Variants in ADRB3 observed in about 807,000 individuals in gnomAD.
ADRB3 encodes adrenoceptor beta 3.
In ADRB3, 33 loss-of-function variants were observed where a neutral mutation model predicts 23.8. The observed-to-expected ratio is 1.38, with a 90% CI of 1.05 to 1.85. The LOEUF (loss-of-function observed/expected upper bound fraction) is 1.85, where lower values mean the gene tolerates loss of function less well. ADRB3 is among the 40% of genes most tolerant of loss of function. The pLI is 0.00. For synonymous variants in ADRB3, 289 were observed against 273.0 expected, an observed-to-expected ratio of 1.06 and a Z score of -0.58; for missense variants, 600 against 579.6, an observed-to-expected ratio of 1.04 and a Z score of -0.36.
Position 37,965,795 on chromosome 8 carries a change from C to T in ADRB3, c.675G>A (p.Ala225=). Residue 225 remains alanine, a synonymous_variant, in exon 1 of 2, where the codon GCG becomes GCA. Transcript: ENST00000345060. ...LPLLVMLFVY[A]RVFVVATRQL... is the part of the protein sequence containing the mutation. Reference sequence around the variant, plus strand: ...GGCGCGTAGCCACCACGAAAACCCGCGCGTAGACGAAGAGCATCACGAGAA... The same window carrying T: ...GGCGCGTAGCCACCACGAAAACCCGTGCGTAGACGAAGAGCATCACGAGAA... The T allele has an allele frequency of 6.4e-7, 1 of 1,551,928 alleles. No individual in the cohort carries two copies. Among genetic ancestry groups the T allele is most frequent in the Non-Finnish European group, 8.7e-7 (1 of 1,147,064 alleles).
In ADRB3 at chr8:37,964,216, G is replaced by A. The variant is rs948377287; in HGVS notation, c.*2C>T. On this transcript the variant is annotated 3_prime_UTR_variant, in exon 2 of 2. Coordinates refer to ENST00000345060, the MANE Select transcript of ADRB3 (RefSeq NM_000025.3). ...AGAGTTGTTGCTTCTTGTCCTTCAG[G>A]CCTAAGAAACTCCCCAAGAAGCCCT... 1 of 1,613,466 alleles carries A rather than the reference G, an allele frequency of 6.2e-7. No individual in the cohort carries two copies.
rs769733135 is a variant in ADRB3, at chr8:37,965,760, AAGCGC to A, written c.705_709del (p.Arg236AlafsTer183). On this transcript the variant is annotated frameshift_variant, in exon 1 of 2. Coordinates refer to ENST00000345060, the MANE Select transcript of ADRB3 (RefSeq NM_000025.3). LOFTEE classifies it high-confidence loss of function. ...AAAGCGGCCCAGCTCCCCGCGCAGC[AAGCGC>A]AGCTGGCGCGTAGCCACCACGAAAA... 293 of 1,551,038 alleles carry A rather than the reference AAGCGC, an allele frequency of 1.9e-4. 7 individuals carry two copies. The South Asian group carries it at 3.3e-3, about 18-fold the overall frequency.
rs200878725 is a variant in ADRB3, at chr8:37,966,582, A to G, written c.-113T>C. 43 of 1,444,696 alleles carry G rather than the reference A, an allele frequency of 3.0e-5. No homozygotes were observed. In the Admixed American group the frequency reaches 5.4e-4, roughly 18 times the overall value. 89.5% of individuals were successfully genotyped at this position (1,444,696 alleles called of 1,614,324 possible). On this transcript the variant is annotated 5_prime_UTR_variant, in exon 1 of 2. It removes an upstream start codon present in the reference 5' UTR. Coordinates refer to ENST00000345060, the MANE Select transcript of ADRB3 (RefSeq NM_000025.3). ...GAGAGCGACTTCCCCAGCCTGGGCCATCTTCTCTAGCTGTCCCAGCCAGAG... is the reference window on the plus strand; with the variant it reads ...GAGAGCGACTTCCCCAGCCTGGGCCGTCTTCTCTAGCTGTCCCAGCCAGAG...
At position 37,966,382 on chromosome 8, in the gene ADRB3, GC is replaced by G. The variant is rs1228285539; in HGVS notation, c.87del (p.Leu30CysfsTer10). ...GCCGCCTCCCACGGAACCCCTGGCA[GC>G]CCACTGGTGTTGGCGGTATTGGGCG... ...TLAPNTANTS[G>X]LPGVPWEAAL... On this transcript the variant is annotated frameshift_variant, in exon 1 of 2. Coordinates refer to ENST00000345060, the MANE Select transcript of ADRB3 (RefSeq NM_000025.3). LOFTEE classifies it high-confidence loss of function. 6.2e-7 allele frequency: 1 copy of G among 1,610,440 alleles called. No individual in the cohort carries two copies. Among genetic ancestry groups the G allele is most frequent in the Admixed American group, 1.7e-5 (1 of 59,570 alleles).
intron 1 of ADRB3, 103 bp from the exon 2 acceptor site, chr8:37,964,342 C>T (rs1027105823): frequency 9.7e-7 from 1 of 1,033,942 alleles, no homozygotes; most frequent in Non-Finnish European, 1.5e-6. Context: ...TATTTAGTTA[C>T]ACAAAAACGC....
chr8:37,964,695 G>C (rs944977589), intron 1 of ADRB3, among the ~76,000 whole-genome samples: 7 of 152,356 alleles, frequency 4.6e-5, no homozygotes, highest in African/African-American at 1.4e-4. Flanking sequence ...GCTTTGGAAG[G>C]CTGAGGCAGA....
Position 37,966,322 on chromosome 8 carries a change from C to A in ADRB3, c.148G>T (p.Ala50Ser). 1 of 1,613,142 alleles carries A rather than the reference C, an allele frequency of 6.2e-7. No homozygotes were observed. Among genetic ancestry groups the A allele is most frequent in the Non-Finnish European group, 8.5e-7 (1 of 1,179,672 alleles). ...ACCAGCAGGTTGCCTCCCACGGTGG[C>A]CAGCACCGCCAGCGCCAGCAGGGCC... ...AGALLALAVL[A>S]TVGGNLLVIV... Residue 50 changes from alanine to serine, a missense_variant, in exon 1 of 2, where the codon GCC becomes TCC. Physicochemically the swap from Ala to Ser is moderately conservative, Grantham distance 99 (BLOSUM62 1). Transcript: ENST00000345060.
Position 37,965,406 on chromosome 8 carries a change from G to A in ADRB3, c.1064C>T (p.Ala355Val), listed in dbSNP as rs1443676189. 3 of 1,548,984 alleles carry A rather than the reference G, an allele frequency of 1.9e-6. No homozygotes were observed. In the Admixed American group the frequency reaches 5.9e-5, roughly 30 times the overall value. ...IYCRSPDFRS[A>V]FRRLLCRCGR... ...GCAGCGGCACAGAAGACGGCGGAAG[G>A]CGCTGCGAAAGTCCGGGCTGCGGCA... The change falls in exon 1 of 2, where the codon GCC becomes GTC. Residue 355 changes from alanine to valine, a missense_variant. Transcript: ENST00000345060.
At chr8:37,964,505 T>C (rs1808258848) in intron 1 of ADRB3, among the ~76,000 whole-genome samples, 1 of 114,220 alleles carries the variant, frequency 8.8e-6, no homozygotes, top group South Asian at 3.0e-4. Context: ...GTCAAACCTT[T>C]GAGAAAACCC....
At position 37,965,891 on chromosome 8, in the gene ADRB3, CG is replaced by C; in HGVS notation, c.578del (p.Pro193ArgfsTer27). The part of the protein sequence containing the change: ...DAEAQRCHSN[P>X]RCCAFASNMP... ...TGTTGGAGGCGAAGGCACAGCAGCGCGGGTTGGAGTGGCAGCGCTGCGCCTC... is the reference window on the plus strand; with the variant it reads ...TGTTGGAGGCGAAGGCACAGCAGCGCGGTTGGAGTGGCAGCGCTGCGCCTC... On this transcript the variant is annotated frameshift_variant, in exon 1 of 2. Transcript: ENST00000345060. LOFTEE classifies it high-confidence loss of function. The C allele has an allele frequency of 6.4e-7, 1 of 1,552,962 alleles. No homozygotes were observed.
Position 37,963,161 on chromosome 8 carries a change from A to C in ADRB3, c.*1057T>G, listed in dbSNP as rs1808231954. The C allele has an allele frequency of 6.6e-6, 1 of 151,198 alleles. No individual in the cohort carries two copies. The highest frequency in any genetic ancestry group is 2.4e-5 in the African/African-American group (1 of 41,360). The allele number at this position is 151,198 out of a possible 1,614,324, so 9.4% of individuals were successfully genotyped here. The stretch of plus-strand genomic sequence containing the variant: ...GCTTTGTGCCTGTGCCTCCAGACAC[A>C]CACACACACACACACACGCACACAC... On this transcript the variant is annotated 3_prime_UTR_variant, in exon 2 of 2. Coordinates refer to ENST00000345060, the MANE Select transcript of ADRB3 (RefSeq NM_000025.3).
Position 37,965,352 on chromosome 8 carries a change from G to A in ADRB3, c.1118C>T (p.Ala373Val). The A allele has an allele frequency of 1.3e-5, 20 of 1,544,710 alleles. No homozygotes were observed. The highest frequency in any genetic ancestry group is 1.7e-5 in the Non-Finnish European group (20 of 1,145,272). The stretch of plus-strand genomic sequence containing the variant: ...GGGGAAGAGGGCCGGGCGGGCGGCG[G>A]CGCAGGGCTCCGGAGGCAGGCGACG... ...CGRRLPPEPCAAARPALFPSG... is the reference protein window; with the variant it reads ...CGRRLPPEPCVAARPALFPSG... Residue 373 changes from alanine (A) to valine (V), a missense_variant, in exon 1 of 2, where the codon GCC becomes GTC. By Grantham distance (64) the Ala-to-Val change is moderately conservative. Transcript: ENST00000345060.
chr8:37,964,398 A>G (rs1808257458), intron 1 of ADRB3, among the ~76,000 whole-genome samples, 159 bp from the exon 2 acceptor site: 1 of 151,952 alleles, frequency 6.6e-6, no homozygotes, highest in Non-Finnish European at 1.5e-5. Context: ...CCCTACTCCA[A>G]CCCAGCCCAG....
In ADRB3 at chr8:37,965,268, T is replaced by A. The variant is rs984368205; in HGVS notation, c.1202A>T (p.Asp401Val). ...TCCCTCTGCCCCGGTTACCTACCCG[T>A]CGAGCCGTTGGCAAAGCCTGGGCTG... Reference protein sequence around the residue: ...PAQPRLCQRLDGASWGVS With the variant: ...PAQPRLCQRLVGASWGVS Residue 401 changes from aspartate (D) to valine (V), a missense_variant, in exon 1 of 2, where the codon GAC becomes GTC. Asp to Val is a radical substitution (Grantham distance 152). Coordinates refer to ENST00000345060, the MANE Select transcript of ADRB3 (RefSeq NM_000025.3). 3 of 1,513,454 alleles carry A rather than the reference T, an allele frequency of 2.0e-6. No individual in the cohort carries two copies. The African/African-American group carries it at 4.3e-5, about 22-fold the overall frequency. The allele number at this position is 1,513,454 out of a possible 1,614,324, so 93.8% of individuals were successfully genotyped here.
Position 37,966,264 on chromosome 8 carries a change from T to A in ADRB3, c.206A>T (p.Gln69Leu). The change falls in exon 1 of 2, where the codon CAG becomes CTG. Residue 69 changes from glutamine (Q) to leucine (L), a missense_variant. Coordinates refer to ENST00000345060, the MANE Select transcript of ADRB3 (RefSeq NM_000025.3). ...AGTCACGAACACGTTGGTCATGGTC[T>A]GGAGTCTCGGAGTCCAGGCGATGGC... ...IVAIAWTPRL[Q>L]TMTNVFVTSL... is the part of the protein sequence containing the mutation. 1 of 1,613,702 alleles carries A rather than the reference T, an allele frequency of 6.2e-7. No homozygotes were observed. The highest frequency in any genetic ancestry group is 1.3e-5 in the African/African-American group (1 of 75,042).
Position 37,966,118 on chromosome 8 carries a change from C to T in ADRB3, c.352G>A (p.Val118Met). 2 of 1,611,516 alleles carry T rather than the reference C, an allele frequency of 1.2e-6. No homozygotes were observed. The highest frequency in any genetic ancestry group is 1.7e-6 in the Non-Finnish European group (2 of 1,179,090). Residue 118 changes from valine to methionine, a missense_variant, in exon 1 of 2, where the codon GTG becomes ATG. Transcript: ENST00000345060. ...TGCELWTSVD[V>M]LCVTASIETL... ...TCGATGCTGGCGGTCACACACAGCA[C>T]GTCCACCGAGGTCCACAGCTCGCAG...
rs1159472979 is a variant in ADRB3 at position 37,965,675 on chromosome 8, C to A, written c.795G>T (p.Thr265=). The change falls in exon 1 of 2, where the codon ACG becomes ACT. Residue 265 remains threonine, a synonymous_variant. Transcript: ENST00000345060. ...CGGGCACCCCTTCGGGCGGAGCGCA[C>A]GTCCCCACCGGGGCCGGGGCCAGAG... ...SRSLAPAPVG[T]CAPPEGVPAC... The A allele has an allele frequency of 2.6e-6, 4 of 1,537,262 alleles. No individual in the cohort carries two copies. The highest frequency in any genetic ancestry group is 1.2e-5 in the South Asian group (1 of 82,816).
chr8:37,965,815 C>T lies in ADRB3; in HGVS notation c.655G>A (p.Val219Met). Residue 219 changes from valine (V) to methionine (M), a missense_variant, in exon 1 of 2, where the codon GTG becomes ATG. Transcript: ENST00000345060. The stretch of plus-strand genomic sequence containing the variant: ...ACCCGCGCGTAGACGAAGAGCATCA[C>T]GAGAAGAGGAAGGTAGAAGGAGACG... ...SSVSFYLPLL[V>M]MLFVYARVFV... 2 of 1,552,746 alleles carry T rather than the reference C, an allele frequency of 1.3e-6. No homozygotes were observed. The highest frequency in any genetic ancestry group is 1.7e-6 in the Non-Finnish European group (2 of 1,147,450).
Position 37,965,525 on chromosome 8 carries a change from G to C in ADRB3, c.945C>G (p.Arg315=). 6.4e-7 allele frequency: 1 copy of C among 1,551,624 alleles called. No individual in the cohort carries two copies. Among genetic ancestry groups the C allele is most frequent in the South Asian group, 1.2e-5 (1 of 84,118 alleles). Residue 315 remains arginine (R), a synonymous_variant, in exon 1 of 2, where the codon CGC becomes CGG. Transcript: ENST00000345060. ...WLPFFLANVL[R]ALGGPSLVPG... is the part of the protein sequence containing the mutation. Reference sequence around the variant, plus strand: ...GGACTAGAGAGGGGCCCCCCAGGGCGCGCAGCACGTTGGCCAGAAAGAAGG... The same window carrying C: ...GGACTAGAGAGGGGCCCCCCAGGGCCCGCAGCACGTTGGCCAGAAAGAAGG...
Sources: gnomAD v4.1 joint callset for allele counts (sites outside exome capture counted in the v4.1 genomes callset) on GRCh38, gnomAD v4.1.1 for gene constraint, MANE v1.5 for transcripts, NCBI Gene and HGNC (gene_info 2026-07-23, HGNC 2026-07-21) for gene names.